FGF14: variants seen among roughly 807,000 people sequenced by gnomAD.
FGF14 encodes fibroblast growth factor homologous factor 4.
In FGF14, 5 loss-of-function variants were observed where a neutral mutation model predicts 25.5. The ratio of observed to expected loss-of-function variants is 0.20; its 90% CI spans 0.10 to 0.41. The LOEUF is 0.41. FGF14 is among the 10% of genes least tolerant of loss of function. The pLI is 1.00. For missense variants in FGF14, 222 were observed against 320.1 expected, an observed-to-expected ratio of 0.69 and a Z score of 2.34; for synonymous variants, 138 against 118.3, an observed-to-expected ratio of 1.17 and a Z score of -1.08.
At chr13:102,258,873 A>T (rs2052578108) in intron 1 of FGF14, among the ~76,000 whole-genome samples, 1 of 152,224 alleles carries the variant, frequency 6.6e-6, no homozygotes, top group Non-Finnish European at 1.5e-5. Flanking sequence ...GTAAACACAG[A>T]CCATTACAAT....
At chr13:102,242,574 G>A (rs2051657412) in intron 1 of FGF14, among the ~76,000 whole-genome samples, 1 of 151,988 alleles carries the variant, frequency 6.6e-6, no homozygotes, top group African/African-American at 2.4e-5. Flanking sequence ...ACGAATATGA[G>A]CCCACTCTCA....
intron 1 of FGF14, among the ~76,000 whole-genome samples, chr13:101,896,456 G>A (rs140997345): frequency 6.6e-6 from 1 of 152,130 alleles, no homozygotes; most frequent in East Asian, 1.9e-4. Context: ...GGTCATATCC[G>A]CAGACTTTGT....
rs370683665 is a variant in FGF14 at position 101,867,889 on chromosome 13, GACACACACAC to G, written c.408+826_408+835del. ...CCCCCTGGAGAATGTTTCTGTTTAA[GACACACACAC>G]ACACACACACACACACACACACACA... On this transcript the variant is annotated intron_variant, in intron 3 of 4. Transcript: ENST00000376143. Among the ~76,000 whole-genome samples the G allele has an allele frequency of 3.1e-3, 434 of 140,672 alleles. 1 individual carries two copies. Among genetic ancestry groups the G allele is most frequent in the African/African-American group, 9.5e-3 (361 of 37,888 alleles). The allele number at this position is 140,672 out of a possible 152,430, so 92.3% of individuals were successfully genotyped here.
At chr13:101,948,678 C>T (rs1408935671) in intron 1 of FGF14, among the ~76,000 whole-genome samples, 1 of 151,126 alleles carries the variant, frequency 6.6e-6, no homozygotes, top group South Asian at 2.1e-4. Flanking sequence ...TACATAATGA[C>T]AAAGAAGCAA....
intron 3 of FGF14, among the ~76,000 whole-genome samples, chr13:101,806,975 C>G (rs2140162376): frequency 6.6e-6 from 1 of 152,152 alleles, no homozygotes; most frequent in Non-Finnish European, 1.5e-5. Flanking sequence ...CTCCTTATAA[C>G]TTTCACTGCG....
intron 1 of FGF14, among the ~76,000 whole-genome samples, chr13:102,094,049 G>T (rs1322843385): frequency 6.9e-6 from 1 of 145,524 alleles, no homozygotes; most frequent in Non-Finnish European, 1.5e-5. Flanking sequence ...AAAGGAAGGT[G>T]AAGGATCTAA....
At position 102,043,270 on chromosome 13, in the gene FGF14, T is replaced by C. The variant is rs1926010; in HGVS notation, c.209-167974A>G. On this transcript the variant is annotated intron_variant, in intron 1 of 4. Coordinates refer to the FGF14 transcript ENST00000376131. ...AATGAAGCACCCAAGGTCACCTTTA[T>C]ATTTTAGTGGTCTTTGTTCTTCTCA... Among the ~76,000 whole-genome samples, 1,144 of 152,300 alleles carry C rather than the reference T, an allele frequency of 7.5e-3. 32 individuals are homozygous for C. The highest frequency in any genetic ancestry group is 0.047 in the East Asian group (241 of 5,174).
intron 1 of FGF14, among the ~76,000 whole-genome samples, chr13:101,941,094 G>A (rs541185209): frequency 3.9e-5 from 6 of 152,162 alleles, no homozygotes; most frequent in African/African-American, 1.4e-4. Context: ...ATTGCGGAGC[G>A]ATTTATGTTT....
At chr13:101,996,926 C>T (rs2039216997) in intron 1 of FGF14, among the ~76,000 whole-genome samples, 1 of 152,206 alleles carries the variant, frequency 6.6e-6, no homozygotes, top group African/African-American at 2.4e-5. Flanking sequence ...AGGGTGCTCT[C>T]TGATGCCTGG....
chr13:101,863,013 T>G (rs1467792519), intron 3 of FGF14, among the ~76,000 whole-genome samples: 1 of 152,096 alleles, frequency 6.6e-6, no homozygotes, highest in Admixed American at 6.6e-5. Flanking sequence ...ATAATTCCAA[T>G]GAAACATACA....
intron 1 of FGF14, among the ~76,000 whole-genome samples, chr13:102,178,232 A>C (rs918911784): frequency 6.6e-6 from 1 of 152,148 alleles, no homozygotes; most frequent in Non-Finnish European, 1.5e-5. Context: ...ATGGCTCAGG[A>C]GGTTGCAAAA....
intron 1 of FGF14, among the ~76,000 whole-genome samples, chr13:102,098,935 C>T (rs1409601800): frequency 2.0e-5 from 3 of 152,114 alleles, no homozygotes; most frequent in Admixed American, 1.3e-4. Flanking sequence ...ATGTAAAGGA[C>T]AGAAAACTAT....
intron 1 of FGF14, among the ~76,000 whole-genome samples, chr13:102,192,422 C>T (rs925185298): frequency 6.6e-6 from 1 of 152,122 alleles, no homozygotes; most frequent in Non-Finnish European, 1.5e-5. Context: ...ATTGTTCAAC[C>T]ACACCCTTCC....
rs1364638367 is a variant in FGF14 at position 101,714,419 on chromosome 13, A to G, written c.*8412T>C. ...TTTAGTTATAAGGTGATGGTGAGTAATAGCCTTTGTAATTTCAGGTTCTTG... is the reference window on the plus strand; with the variant it reads ...TTTAGTTATAAGGTGATGGTGAGTAGTAGCCTTTGTAATTTCAGGTTCTTG... On this transcript the variant is annotated 3_prime_UTR_variant, in exon 5 of 5. Coordinates refer to ENST00000376143, the MANE Select transcript of FGF14 (RefSeq NM_004115.4). 2.9e-6 allele frequency: 4 copies of G among 1,392,344 alleles called. No homozygotes were observed. In the Admixed American group the frequency reaches 5.0e-5, roughly 17 times the overall value. The allele number at this position is 1,392,344 out of a possible 1,614,324, so 86.2% of individuals were successfully genotyped here.
At chr13:102,154,693 A>C (rs1312496735) in intron 1 of FGF14, among the ~76,000 whole-genome samples, 2 of 152,168 alleles carry the variant, frequency 1.3e-5, no homozygotes, top group African/African-American at 4.8e-5. Context: ...AAATGGGCTA[A>C]ATGCTCCAAT....
Position 102,400,957 on chromosome 13 carries a change from G to A in FGF14, c.208+514C>T, listed in dbSNP as rs931622794. 2.0e-5 allele frequency among the ~76,000 whole-genome samples: 3 copies of A among 152,130 alleles called. No homozygotes were observed. The highest frequency in any genetic ancestry group is 1.3e-4 in the Admixed American group (2 of 15,278). ...ACGGGGGAGGGACGCGGGGGCTGAC[G>A]GAGGAGCGGGGCCGCGAGGGAGGGG... On this transcript the variant is annotated intron_variant, in intron 1 of 4. Transcript: ENST00000376131. The surrounding 1 kb of genome is among the most constrained non-coding windows in gnomAD (Gnocchi z 4.3).
At chr13:101,742,889 C>G (rs749258019) in intron 3 of FGF14, among the ~76,000 whole-genome samples, 3 of 152,286 alleles carry the variant, frequency 2.0e-5, no homozygotes, top group South Asian at 4.1e-4. Flanking sequence ...AAATCCATGT[C>G]TAATTGCTTC....
intron 1 of FGF14, among the ~76,000 whole-genome samples, chr13:102,160,253 G>A (rs1488402597): frequency 2.0e-5 from 3 of 152,122 alleles, no homozygotes; most frequent in Non-Finnish European, 4.4e-5. Flanking sequence ...CTCAGATTCT[G>A]CCTCCTGTGG....
At chr13:102,045,517 T>A (rs893325629) in intron 1 of FGF14, among the ~76,000 whole-genome samples, 1 of 152,160 alleles carries the variant, frequency 6.6e-6, no homozygotes, top group Non-Finnish European at 1.5e-5. Flanking sequence ...GTGGAGCAAC[T>A]GTGATCTCTA....
Sources: gnomAD v4.1 joint callset for allele counts (sites outside exome capture counted in the v4.1 genomes callset) on GRCh38, gnomAD v4.1.1 for gene constraint, Gnocchi (gnomAD v3.1) non-coding constraint, MANE v1.5 for transcripts, NCBI Gene and HGNC (gene_info 2026-07-23, HGNC 2026-07-21) for gene names.